Variants in LZTS1 observed in about 807,000 individuals in gnomAD.
LZTS1 encodes leucine zipper tumor suppressor 1, also known as leucine zipper putative tumor suppressor 1.
A neutral mutation model predicts 45.8 loss-of-function variants in LZTS1; 31 were observed. The ratio of observed to expected loss-of-function variants is 0.68; its 90% CI spans 0.51 to 0.91. The LOEUF (loss-of-function observed/expected upper bound fraction) is 0.91, where lower values mean the gene tolerates loss of function less well. Ranked by LOEUF, LZTS1 falls within the 40% of genes least tolerant of loss-of-function variation. The probability of loss-of-function intolerance (pLI) is 0.00; values close to 1 mark genes in which losing one functional copy is unlikely to be tolerated. For synonymous variants in LZTS1, 359 were observed against 357.3 expected, an observed-to-expected ratio of 1.00 and a Z score of -0.05; for missense variants, 821 against 788.9, an observed-to-expected ratio of 1.04 and a Z score of -0.49.
At chr8:20,288,545 G>GGTT (rs1800838930) in intron 1 of LZTS1, among the ~76,000 whole-genome samples, 1 of 152,228 alleles carries the variant, frequency 6.6e-6, no homozygotes, top group Non-Finnish European at 1.5e-5. Context: ...AGGGTGCACT[G>GGTT]TTACTACCCC....
At chr8:20,283,555 G>A (rs1366867067) in intron 1 of LZTS1, among the ~76,000 whole-genome samples, 1 of 152,142 alleles carries the variant, frequency 6.6e-6, no homozygotes, top group Non-Finnish European at 1.5e-5. Flanking sequence ...GAAACCCGGA[G>A]AGGGATACAA....
intron 1 of LZTS1, among the ~76,000 whole-genome samples, chr8:20,264,807 C>T (rs1800314535): frequency 6.6e-6 from 1 of 152,206 alleles, no homozygotes; most frequent in African/African-American, 2.4e-5. Context: ...TCACAAATTC[C>T]AGGCTCCAAC....
chr8:20,299,392 A>G (rs1801034257), intron 1 of LZTS1, among the ~76,000 whole-genome samples: 1 of 152,226 alleles, frequency 6.6e-6, no homozygotes, highest in South Asian at 2.1e-4. Flanking sequence ...TTTTAATTGC[A>G]AAAACCACAA....
rs533918351 is a variant in LZTS1 at position 20,253,645 on chromosome 8, C to T, written c.346-60G>A. ...CCCCTGCGCGCGCATTGCACCCTCC[C>T]TCCCCAGGCACGCGTGCCGACCTTG... On this transcript the variant is annotated intron_variant, in intron 2 of 3. Coordinates refer to ENST00000381569, the MANE Select transcript of LZTS1 (RefSeq NM_021020.5). The T allele has an allele frequency of 7.7e-5, 103 of 1,340,380 alleles. No homozygotes were observed. In the East Asian group the frequency reaches 2.6e-3, roughly 33 times the overall value. 83.0% of individuals were successfully genotyped at this position (1,340,380 alleles called of 1,614,324 possible). A position where few individuals can be genotyped will look rare whatever the true frequency, so the allele number is the denominator to read the frequency against.
chr8:20,281,696 T>C (rs1800697047), intron 1 of LZTS1, among the ~76,000 whole-genome samples: 1 of 152,210 alleles, frequency 6.6e-6, no homozygotes, highest in Admixed American at 6.5e-5. Flanking sequence ...GTTCCCTCTA[T>C]TACCATGTGA....
Position 20,249,392 on chromosome 8 carries a change from AC to A in LZTS1, c.*329del, listed in dbSNP as rs1799820175. The A allele has an allele frequency of 3.7e-6, 1 of 267,520 alleles. No homozygotes were observed. The highest frequency in any genetic ancestry group is 7.1e-6 in the Non-Finnish European group (1 of 140,642). 16.6% of individuals were successfully genotyped at this position (267,520 alleles called of 1,614,324 possible). A position where few individuals can be genotyped will look rare whatever the true frequency, so the allele number is the denominator to read the frequency against. On this transcript the variant is annotated 3_prime_UTR_variant, in exon 4 of 4. Coordinates refer to ENST00000381569, the MANE Select transcript of LZTS1 (RefSeq NM_021020.5). ...GGGAGCCGCTGTACTTGCTGTGGCC[AC>A]CTTCCCTGGAGGAGGGGGAGAGGAT... is the stretch of plus-strand genomic sequence containing the variant.
intron 1 of LZTS1, among the ~76,000 whole-genome samples, chr8:20,274,104 G>A (rs1800528231): frequency 6.6e-6 from 1 of 152,078 alleles, no homozygotes; most frequent in South Asian, 2.1e-4. Context: ...CCCCTTCTGC[G>A]TGTTCTTACA....
chr8:20,275,467 G>T (rs533424639), intron 1 of LZTS1, among the ~76,000 whole-genome samples: 1 of 151,838 alleles, frequency 6.6e-6, no homozygotes, highest in Non-Finnish European at 1.5e-5. Context: ...TCCCCCACCC[G>T]GGAGAAGCTT....
intron 1 of LZTS1, among the ~76,000 whole-genome samples, chr8:20,296,898 G>C (rs1400647846): frequency 6.6e-6 from 1 of 152,118 alleles, no homozygotes; most frequent in African/African-American, 2.4e-5. Flanking sequence ...CACCGATTTG[G>C]CCTGTCACTT....
At chr8:20,288,808 T>C (rs566936115) in intron 1 of LZTS1, among the ~76,000 whole-genome samples, 8 of 152,056 alleles carry the variant, frequency 5.3e-5, no homozygotes. Flanking sequence ...CCCTCCCCTC[T>C]GGGTTCAGGT....
At chr8:20,265,298 T>C (rs1049983872) in intron 1 of LZTS1, among the ~76,000 whole-genome samples, 2 of 152,260 alleles carry the variant, frequency 1.3e-5, no homozygotes, top group South Asian at 4.1e-4. Context: ...TCATTCACAT[T>C]GTCCCCCAGG....
At chr8:20,252,723 G>C (rs995766310) in intron 3 of LZTS1, 59 bp downstream of exon 3, 2 of 1,420,070 alleles carry the variant, frequency 1.4e-6, no homozygotes, top group Admixed American at 2.3e-5. Context: ...CAGAAGGAGA[G>C]GGGGGTACTG....
At chr8:20,255,862 T>C (rs1800085458) in intron 1 of LZTS1, among the ~76,000 whole-genome samples, 1 of 151,626 alleles carries the variant, frequency 6.6e-6, no homozygotes, top group African/African-American at 2.4e-5. Flanking sequence ...ATTGCTTGAG[T>C]CCAGGAGTTC....
At chr8:20,281,754 G>C (rs901639264) in intron 1 of LZTS1, among the ~76,000 whole-genome samples, 1 of 152,166 alleles carries the variant, frequency 6.6e-6, no homozygotes, top group Non-Finnish European at 1.5e-5. Context: ...AGCTTCCTGA[G>C]ACCTCACCAG....
chr8:20,259,555 T>C (rs575332002), intron 1 of LZTS1, among the ~76,000 whole-genome samples: 1 of 152,248 alleles, frequency 6.6e-6, no homozygotes, highest in Non-Finnish European at 1.5e-5. Flanking sequence ...CTTCCAGTCT[T>C]CCCACTGTGT....
chr8:20,288,018 G>A (rs577409716), intron 1 of LZTS1, among the ~76,000 whole-genome samples: 5 of 152,138 alleles, frequency 3.3e-5, no homozygotes, highest in Admixed American at 2.0e-4. Flanking sequence ...CTGGGGATGG[G>A]GAATCCCGAC....
chr8:20,251,735 A>T (rs563819193), intron 3 of LZTS1, among the ~76,000 whole-genome samples: 1 of 152,300 alleles, frequency 6.6e-6, no homozygotes, highest in African/African-American at 2.4e-5. Context: ...GCATGATACT[A>T]GTCACTGGGT....
intron 1 of LZTS1, among the ~76,000 whole-genome samples, chr8:20,302,610 T>C (rs573908207): frequency 6.6e-6 from 1 of 152,120 alleles, no homozygotes; most frequent in Admixed American, 6.5e-5. Flanking sequence ...TCCAGCAGAG[T>C]GTGGGATCCT....
chr8:20,284,577 G>T (rs576356048), intron 1 of LZTS1, among the ~76,000 whole-genome samples: 12 of 152,080 alleles, frequency 7.9e-5, no homozygotes, highest in Admixed American at 7.9e-4. Context: ...GCCCAAGAGA[G>T]TGTTCTTCAC....
Sources: gnomAD v4.1 joint callset for allele counts (sites outside exome capture counted in the v4.1 genomes callset) on GRCh38, gnomAD v4.1.1 for gene constraint, MANE v1.5 for transcripts, NCBI Gene and HGNC (gene_info 2026-07-23, HGNC 2026-07-21) for gene names.